The following SGCZ variants were observed in gnomAD, a reference collection of about 807,000 sequenced individuals.
The protein encoded by SGCZ is zeta-sarcoglycan.
In SGCZ, 40 loss-of-function variants were observed where a neutral mutation model predicts 41.3. The ratio of observed to expected loss-of-function variants is 0.97; its 90% CI spans 0.75 to 1.26. SGCZ has a LOEUF of 1.26. SGCZ is among the 50% of genes most tolerant of loss of function. SGCZ has a pLI of 0.00. For missense variants in SGCZ, 552 were observed against 369.8 expected, an observed-to-expected ratio of 1.49 and a Z score of -4.04; for synonymous variants, 206 against 137.5, an observed-to-expected ratio of 1.50 and a Z score of -3.49.
At chr8:14,208,809 T>G (rs1179068466) in intron 4 of SGCZ, among the ~76,000 whole-genome samples, 1 of 152,228 alleles carries the variant, frequency 6.6e-6, no homozygotes, top group Non-Finnish European at 1.5e-5. Context: ...ATAAAGATGC[T>G]AATCATAGCA....
chr8:14,954,375 T>A (rs1800731975), intron 1 of SGCZ, among the ~76,000 whole-genome samples: 2 of 152,158 alleles, frequency 1.3e-5, no homozygotes, highest in Admixed American at 1.3e-4. Flanking sequence ...ACATCCACCT[T>A]CAATCATTGA....
At chr8:14,675,243 C>T (rs1808236372) in intron 1 of SGCZ, among the ~76,000 whole-genome samples, 1 of 151,896 alleles carries the variant, frequency 6.6e-6, no homozygotes, top group South Asian at 2.1e-4. Context: ...CCCGGCCAAA[C>T]CTCTTTTCTT....
intron 4 of SGCZ, among the ~76,000 whole-genome samples, chr8:14,195,160 G>A (rs1411631672): frequency 6.6e-6 from 1 of 152,050 alleles, no homozygotes; most frequent in Non-Finnish European, 1.5e-5. Context: ...ATTTACACAA[G>A]TGTTCAAACA....
At chr8:14,724,950 A>G (rs1810004311) in intron 1 of SGCZ, among the ~76,000 whole-genome samples, 1 of 152,042 alleles carries the variant, frequency 6.6e-6, no homozygotes, top group Admixed American at 6.6e-5. Flanking sequence ...TATTCCTTGT[A>G]ACTGTACTTT....
rs950684004 is a variant in SGCZ at position 15,120,013 on chromosome 8, AGAGTCTTGCTATGTTTTCCAG to A, written c.39+117551_39+117571del. Among the ~76,000 whole-genome samples the A allele has an allele frequency of 1.1e-4, 17 of 152,262 alleles. No homozygotes were observed. The South Asian group carries it at 2.3e-3, about 20-fold the overall frequency. On this transcript the variant is annotated intron_variant, in intron 1 of 7. Transcript: ENST00000382080. ...TTTGTTTTTTATTGTTTGTAGAGAT[AGAGTCTTGCTATGTTTTCCAG>A]GAGTCTTGCTATGTTTTCCAGGCTA...
intron 3 of SGCZ, among the ~76,000 whole-genome samples, chr8:14,268,835 GAAGTATGTTAA>G (rs899190521): frequency 3.3e-5 from 5 of 151,806 alleles, no homozygotes; most frequent in African/African-American, 1.2e-4. Flanking sequence ...CTGAATTCTT[GAAGTATGTTAA>G]AAACGTATTA....
intron 2 of SGCZ, among the ~76,000 whole-genome samples, chr8:14,473,701 G>T (rs916640221): frequency 1.3e-5 from 2 of 152,134 alleles, no homozygotes; most frequent in Non-Finnish European, 2.9e-5. Context: ...ACTTTGGGAG[G>T]TCGAGGTGGG....
chr8:15,237,871 A>G lies in SGCZ; in HGVS notation c.-248T>C. ...TGACAGGTGATCTCTACCGCGGTGC[A>G]ACACAGCTGAGTCGATTGAAACAGG... On this transcript the variant is annotated 5_prime_UTR_variant, in exon 1 of 8. Transcript: ENST00000382080. The G allele has an allele frequency of 2.1e-6, 1 of 482,772 alleles. No individual in the cohort carries two copies. The highest frequency in any genetic ancestry group is 3.7e-6 in the Non-Finnish European group (1 of 269,238). The allele number at this position is 482,772 out of a possible 1,614,324, so 29.9% of individuals were successfully genotyped here.
intron 1 of SGCZ, among the ~76,000 whole-genome samples, chr8:15,142,565 C>T (rs1395939458): frequency 2.0e-5 from 3 of 152,092 alleles, no homozygotes; most frequent in African/African-American, 7.2e-5. Flanking sequence ...GGGCAAGAGA[C>T]ATCATGTAAA....
chr8:15,009,490 T>A (rs1432804240), intron 1 of SGCZ, among the ~76,000 whole-genome samples: 2 of 152,162 alleles, frequency 1.3e-5, no homozygotes, highest in Non-Finnish European at 2.9e-5. Flanking sequence ...AATAAGAAGG[T>A]TTAGACAGAG....
intron 1 of SGCZ, among the ~76,000 whole-genome samples, chr8:15,078,482 T>A (rs1805626493): frequency 1.3e-5 from 2 of 152,070 alleles, no homozygotes; most frequent in Admixed American, 1.3e-4. Flanking sequence ...TTTGCATACT[T>A]ACTCTTTCAA....
At chr8:14,793,695 C>T (rs1016758824) in intron 1 of SGCZ, among the ~76,000 whole-genome samples, 1 of 152,090 alleles carries the variant, frequency 6.6e-6, no homozygotes, top group Admixed American at 6.6e-5. Context: ...ATGGGTGAAA[C>T]TGTTTGAGAA....
intron 1 of SGCZ, among the ~76,000 whole-genome samples, chr8:14,860,678 GAGAA>G (rs1228221199): frequency 5.9e-5 from 7 of 119,604 alleles, no homozygotes; most frequent in Admixed American, 9.6e-5. Context: ...GAGGGAAAGA[GAGAA>G]AGAAAGAAAG....
At chr8:14,183,011 CAAAA>C (rs34038057) in intron 4 of SGCZ, among the ~76,000 whole-genome samples, 2 of 83,776 alleles carry the variant, frequency 2.4e-5, no homozygotes, top group African/African-American at 4.4e-5. Context: ...AACTCCGTCT[CAAAA>C]AAAAAAAAAA....
chr8:15,058,368 C>G (rs192959100), intron 1 of SGCZ, among the ~76,000 whole-genome samples: 3 of 152,238 alleles, frequency 2.0e-5, no homozygotes, highest in East Asian at 3.9e-4. Flanking sequence ...CACATTCTTA[C>G]ATTTAAAGTT....
rs73519096 is a variant in SGCZ, at chr8:15,002,624, G to T, written c.39+234961C>A. Among the ~76,000 whole-genome samples the T allele has an allele frequency of 2.5e-3, 380 of 152,192 alleles. 3 individuals are homozygous for T. The highest frequency in any genetic ancestry group is 8.5e-3 in the African/African-American group (355 of 41,540). ...AGAAGCAAAGGAAAAACCTCATAAG[G>T]GTGTGAGTGCTCAGCTCATCACCTT... On this transcript the variant is annotated intron_variant, in intron 1 of 7. Transcript: ENST00000382080.
chr8:14,521,989 G>T (rs1474448111), intron 2 of SGCZ, among the ~76,000 whole-genome samples: 3 of 151,934 alleles, frequency 2.0e-5, no homozygotes, highest in Admixed American at 1.3e-4. Context: ...ATTTTAAAAT[G>T]TTTTTTTCTA....
intron 1 of SGCZ, among the ~76,000 whole-genome samples, chr8:14,937,317 A>G (rs572029746): frequency 1.3e-5 from 2 of 152,180 alleles, no homozygotes; most frequent in African/African-American, 4.8e-5. Flanking sequence ...TAACTCACCA[A>G]CATCAAATAG....
At chr8:14,588,597 A>T (rs1300349190) in intron 1 of SGCZ, among the ~76,000 whole-genome samples, 1 of 152,166 alleles carries the variant, frequency 6.6e-6, no homozygotes, top group African/African-American at 2.4e-5. Context: ...TTGGGCAAAT[A>T]AAATAAAGTA....
Sources: allele counts gnomAD v4.1 joint callset (sites outside exome capture counted in the v4.1 genomes callset), GRCh38; gene constraint gnomAD v4.1.1; transcripts MANE v1.5; gene names NCBI Gene and HGNC (gene_info 2026-07-23, HGNC 2026-07-21).